Variants in SRR observed in about 807,000 individuals in gnomAD.
SRR encodes serine racemase, also known as D-serine ammonia-lyase.
In SRR, 19 loss-of-function variants were observed where a neutral mutation model predicts 32.7. The ratio of observed to expected loss-of-function variants is 0.58; its 90% CI spans 0.40 to 0.85. The LOEUF (loss-of-function observed/expected upper bound fraction) is 0.85. SRR is among the 40% of genes least tolerant of loss of function. The probability of loss-of-function intolerance (pLI) is 0.00; values close to 1 mark genes in which losing one functional copy is unlikely to be tolerated. For synonymous variants in SRR, 142 were observed against 140.9 expected (o/e 1.01, Z -0.06); for missense variants, 373 against 404.7 (o/e 0.92, Z 0.67).
rs200298697 is a variant in SRR at position 2,323,190 on chromosome 17, T to G, written c.649T>G (p.Cys217Gly). The G allele has an allele frequency of 1.2e-6, 2 of 1,614,230 alleles. No individual in the cohort carries two copies. Among genetic ancestry groups the G allele is most frequent in the Non-Finnish European group, 1.7e-6 (2 of 1,180,040 alleles). ...YAAEPSNADD[C>G]YQSKLKGKLM... Reference sequence around the variant, plus strand: ...TGCTGAACCCTCAAATGCAGATGACTGCTACCAGTCCAAGCTGAAGGGGAA... The same window carrying G: ...TGCTGAACCCTCAAATGCAGATGACGGCTACCAGTCCAAGCTGAAGGGGAA... The change falls in exon 7 of 8, where the codon TGC becomes GGC. Residue 217 changes from cysteine (C) to glycine (G), a missense_variant. Coordinates refer to ENST00000344595, the MANE Select transcript of SRR (RefSeq NM_021947.3).
Position 2,303,995 on chromosome 17 carries a change from A to T in SRR, c.-27A>T. On this transcript the variant is annotated 5_prime_UTR_variant, in exon 1 of 8. Transcript: ENST00000344595. ...GGAGGCGCGCGGAGGCTGGAGCTGG[A>T]GGCGCGGCGCCGGTGAGCTGAGGTG... 1.3e-5 allele frequency: 4 copies of T among 312,210 alleles called. No individual in the cohort carries two copies. The highest frequency in any genetic ancestry group is 1.7e-5 in the Non-Finnish European group (3 of 171,532). 19.3% of individuals were successfully genotyped at this position (312,210 alleles called of 1,614,324 possible).
chr17:2,318,940 C>G lies in SRR; in HGVS notation c.399+11C>G. 6.3e-7 allele frequency: 1 copy of G among 1,579,662 alleles called. No individual in the cohort carries two copies. Among genetic ancestry groups the G allele is most frequent in the East Asian group, 2.2e-5 (1 of 44,642 alleles). ...GAACCTAGTGATGAGGTAAGGAGAG[C>G]AGTGCTTGGTACCACCTTAACAGCT... is the stretch of plus-strand genomic sequence containing the variant. On this transcript the variant is annotated intron_variant, in intron 4 of 7. Transcript: ENST00000344595.
At chr17:2,322,666 AGTTTTTTTTTGTTTTT>A (rs1222700589) in intron 6 of SRR, 2 of 111,958 alleles carry the variant, frequency 1.8e-5, no homozygotes, top group Non-Finnish European at 3.7e-5. Flanking sequence ...ATGCCTGGCT[AGTTTTTTTTTGTTTTT>A]TTTTTTTGTA....
intron 2 of SRR, among the ~76,000 whole-genome samples, chr17:2,316,970 C>G (rs1427507094): frequency 6.6e-6 from 1 of 150,408 alleles, no homozygotes; most frequent in Non-Finnish European, 1.5e-5. Flanking sequence ...GATCCGCCCG[C>G]CTCTGCCTCC....
In SRR at chr17:2,323,313, G is replaced by A. The variant is rs760685466; in HGVS notation, c.772G>A (p.Asp258Asn). Residue 258 changes from aspartate to asparagine, a missense_variant, in exon 7 of 8, where the codon GAT becomes AAT. Physicochemically the swap from Asp to Asn is conservative, Grantham distance 23. Transcript: ENST00000344595. ...GCCTATTATCAGGGACCTTGTGGAT[G>A]ATATCTTCACTGTCACAGAGGATGA... Reference protein sequence around the residue: ...TWPIIRDLVDDIFTVTEDEIK... With the variant: ...TWPIIRDLVDNIFTVTEDEIK... 1.2e-6 allele frequency: 2 copies of A among 1,614,044 alleles called. No homozygotes were observed. The highest frequency in any genetic ancestry group is 2.2e-5 in the South Asian group (2 of 91,074).
In SRR at chr17:2,321,658, T is replaced by A; in HGVS notation, c.594+42T>A. ...GGATTCCCTGCTTCAAGCAGAGGAT[T>A]TACTTTACATCCTAAATGTTCTGTA... On this transcript the variant is annotated intron_variant, in intron 6 of 7. Transcript: ENST00000344595. 2.6e-6 allele frequency: 4 copies of A among 1,557,160 alleles called. No individual in the cohort carries two copies. In the South Asian group the frequency reaches 4.5e-5, roughly 17 times the overall value.
chr17:2,321,215 AGAT>A, intron 4 of SRR, 88 bp from the exon 5 acceptor site: 1 of 1,480,586 alleles, frequency 6.8e-7, no homozygotes, highest in South Asian at 1.2e-5. Context: ...TGAAAAAAGT[AGAT>A]GGTCAATAAA....
intron 1 of SRR, among the ~76,000 whole-genome samples, chr17:2,314,802 T>C (rs2075458971): frequency 6.6e-6 from 1 of 150,894 alleles, no homozygotes; most frequent in Non-Finnish European, 1.5e-5. Context: ...AAAATGAACA[T>C]AGTTATTTAA....
chr17:2,304,975 C>T (rs745356201), intron 1 of SRR, among the ~76,000 whole-genome samples: 15 of 152,164 alleles, frequency 9.9e-5, no homozygotes, highest in Non-Finnish European at 1.9e-4. Context: ...CCTCCACAGC[C>T]CCATAGGCTT....
upstream of SRR, chr17:2,303,771 C>CA: frequency 1.4e-6 from 2 of 1,445,740 alleles, no homozygotes; most frequent in Non-Finnish European, 1.8e-6. Context: ...CCGCGCGCAG[C>CA]CAGGAAACCA....
chr17:2,324,832 A>G lies in SRR; in HGVS notation c.*959A>G. ...TGTAGCAATGAGGCTGTGCATTCCT[A>G]AAGGACAAAAGCAAAGAAGCTATTT... On this transcript the variant is annotated 3_prime_UTR_variant, in exon 8 of 8. Coordinates refer to ENST00000344595, the MANE Select transcript of SRR (RefSeq NM_021947.3). 6.2e-7 allele frequency: 1 copy of G among 1,604,332 alleles called. No individual in the cohort carries two copies. Among genetic ancestry groups the G allele is most frequent in the Non-Finnish European group, 8.5e-7 (1 of 1,177,340 alleles).
Position 2,324,045 on chromosome 17 carries a change from G to A in SRR, c.*172G>A. Reference sequence around the variant, plus strand: ...TGGAAAAACTTTTATACTTAACTGAGACATTTTGTCAAGGCTAAAAAAAAG... The same window carrying A: ...TGGAAAAACTTTTATACTTAACTGAAACATTTTGTCAAGGCTAAAAAAAAG... On this transcript the variant is annotated 3_prime_UTR_variant, in exon 8 of 8. Coordinates refer to ENST00000344595, the MANE Select transcript of SRR (RefSeq NM_021947.3). The A allele has an allele frequency of 2.5e-6, 3 of 1,219,304 alleles. No homozygotes were observed. The highest frequency in any genetic ancestry group is 3.4e-6 in the Non-Finnish European group (3 of 877,838). The allele number at this position is 1,219,304 out of a possible 1,614,324, so 75.5% of individuals were successfully genotyped here. A position where few individuals can be genotyped will look rare whatever the true frequency, so the allele number is the denominator to read the frequency against.
intron 6 of SRR, chr17:2,322,898 G>A (rs2075544857): frequency 2.2e-6 from 1 of 464,734 alleles, no homozygotes; most frequent in African/African-American, 2.0e-5. Flanking sequence ...TTGAGTAGCT[G>A]GGATTACAGG....
chr17:2,321,829 G>A (rs1322462946), intron 6 of SRR, among the ~76,000 whole-genome samples: 1 of 152,190 alleles, frequency 6.6e-6, no homozygotes, highest in African/African-American at 2.4e-5. Context: ...CCAGGCTGGA[G>A]TGCAGTGGCA....
chr17:2,315,822 G>C, intron 2 of SRR, 94 bp downstream of exon 2: 1 of 1,197,214 alleles, frequency 8.4e-7, no homozygotes, highest in Non-Finnish European at 1.2e-6. Context: ...ATAGGCAGAA[G>C]TAAATTAATG....
At chr17:2,315,846 G>A (rs1400130535) in intron 2 of SRR, 118 bp downstream of exon 2, 3 of 1,016,852 alleles carry the variant, frequency 3.0e-6, no homozygotes, top group African/African-American at 3.3e-5. Flanking sequence ...TTATACAGCT[G>A]GAAAAAAGGT....
rs778862122 is a variant in SRR at position 2,318,923 on chromosome 17, T to C, written c.393T>C (p.Ser131=). The C allele has an allele frequency of 1.1e-5, 18 of 1,610,588 alleles. No individual in the cohort carries two copies. Among genetic ancestry groups the C allele is most frequent in the African/African-American group, 4.0e-5 (3 of 74,818 alleles). Residue 131 remains serine, a synonymous_variant, in exon 4 of 8, where the codon AGT becomes AGC. Coordinates refer to ENST00000344595, the MANE Select transcript of SRR (RefSeq NM_021947.3). ...CGTCAATTGTATACTGTGAACCTAGTGATGAGGTAAGGAGAGCAGTGCTTG... is the reference window on the plus strand; with the variant it reads ...CGTCAATTGTATACTGTGAACCTAGCGATGAGGTAAGGAGAGCAGTGCTTG... ...YGASIVYCEP[S]DESRENVAKR...
chr17:2,310,458 C>T (rs1013284811), intron 1 of SRR, among the ~76,000 whole-genome samples: 7 of 151,896 alleles, frequency 4.6e-5, no homozygotes, highest in South Asian at 2.1e-4. Context: ...TCAAGCAGTC[C>T]GCCCACCTAA....
chr17:2,323,546 TAC>T (rs1597271984), intron 7 of SRR, 107 bp from the exon 8 acceptor site: 9 of 1,271,686 alleles, frequency 7.1e-6, no homozygotes, highest in Non-Finnish European at 9.0e-6. Flanking sequence ...GAAGCGTGTG[TAC>T]ACAGTGATAA....
Sources: gnomAD v4.1 joint callset for allele counts (sites outside exome capture counted in the v4.1 genomes callset) on GRCh38, gnomAD v4.1.1 for gene constraint, MANE v1.5 for transcripts, NCBI Gene and HGNC (gene_info 2026-07-23, HGNC 2026-07-21) for gene names.